PRLR: variants seen among roughly 807,000 people sequenced by gnomAD.
PRLR encodes the protein prolactin receptor, also known as hPRL receptor.
A neutral mutation model predicts 40.2 loss-of-function variants in PRLR; 13 were observed. The ratio of observed to expected loss-of-function variants is 0.32; its 90% confidence interval spans 0.21 to 0.51. PRLR has a LOEUF of 0.51. Among genes scored for constraint, PRLR ranks in the 20% least tolerant of loss-of-function variants. The pLI is 0.97. For missense variants in PRLR, 656 were observed against 747.3 expected (o/e 0.88, Z 1.42); for synonymous variants, 269 against 278.7 (o/e 0.97, Z 0.35).
At chr5:35,070,768 G>A (rs1379145162) in intron 6 of PRLR, among the ~76,000 whole-genome samples, 2 of 150,434 alleles carry the variant, frequency 1.3e-5, no homozygotes, top group Non-Finnish European at 3.0e-5. Flanking sequence ...GCTTGAACCT[G>A]GGAGGCGGAT....
At chr5:35,150,005 C>T (rs987751591) in intron 1 of PRLR, among the ~76,000 whole-genome samples, 2 of 152,126 alleles carry the variant, frequency 1.3e-5, no homozygotes, top group Non-Finnish European at 2.9e-5. Flanking sequence ...TGAGCCAGTG[C>T]GCCTGAGTAG....
At chr5:35,055,502 A>G (rs923450291), downstream of PRLR, among the ~76,000 whole-genome samples, 1 of 152,200 alleles carries the variant, frequency 6.6e-6, no homozygotes, top group Non-Finnish European at 1.5e-5. Context: ...AAAAAATGCC[A>G]TGGGTGAGTG....
At chr5:35,140,312 CT>C (rs1228697920) in intron 1 of PRLR, among the ~76,000 whole-genome samples, 1 of 152,094 alleles carries the variant, frequency 6.6e-6, no homozygotes, top group Non-Finnish European at 1.5e-5. Flanking sequence ...GCAGGCAATA[CT>C]TTTTCTAGTC....
intron 1 of PRLR, among the ~76,000 whole-genome samples, chr5:35,192,499 A>T (rs1775634221): frequency 6.6e-6 from 1 of 152,160 alleles, no homozygotes; most frequent in Non-Finnish European, 1.5e-5. Context: ...AAGCCTAAAA[A>T]GGGTTCTGGA....
intron 1 of PRLR, among the ~76,000 whole-genome samples, chr5:35,180,296 C>T (rs1775259407): frequency 6.6e-6 from 1 of 152,166 alleles, no homozygotes; most frequent in African/African-American, 2.4e-5. Flanking sequence ...TGGACCAATA[C>T]TGATCCGTGG....
intron 2 of PRLR, among the ~76,000 whole-genome samples, chr5:35,100,484 C>A (rs1436379188): frequency 2.6e-5 from 4 of 152,128 alleles, no homozygotes; most frequent in Non-Finnish European, 5.9e-5. Context: ...TTTTACTATA[C>A]CTTTCCTATG....
At position 35,072,565 on chromosome 5, in the gene PRLR, G is replaced by A. The variant is rs1050650012; in HGVS notation, c.543+10C>T. The A allele has an allele frequency of 6.2e-7, 1 of 1,612,360 alleles. No homozygotes were observed. On this transcript the variant is annotated intron_variant, in intron 6 of 9. Coordinates refer to ENST00000618457, the MANE Select transcript of PRLR (RefSeq NM_000949.7). ...CCATAGTTCCTTCAAAAAGCATATG[G>A]ATCACTCACCTCCCACTCAGCTGCT...
chr5:35,178,986 A>G (rs1775219533), intron 1 of PRLR, among the ~76,000 whole-genome samples: 1 of 152,152 alleles, frequency 6.6e-6, no homozygotes, highest in Admixed American at 6.5e-5. Flanking sequence ...AGACCTTTAG[A>G]GTGACTTTTT....
chr5:35,105,820 G>A lies in PRLR; in HGVS notation c.-44+12241C>T, dbSNP rs912588784. Among the ~76,000 whole-genome samples the A allele has an allele frequency of 3.3e-5, 5 of 152,336 alleles. No individual in the cohort carries two copies. In the South Asian group the frequency reaches 6.2e-4, roughly 19 times the overall value. The stretch of plus-strand genomic sequence containing the variant: ...ACACTCTGCAGGATATTATCCAGGA[G>A]TACTTCCCCAACCTAGCAAGGCAGG... On this transcript the variant is annotated intron_variant, in intron 2 of 9. Coordinates refer to ENST00000618457, the MANE Select transcript of PRLR (RefSeq NM_000949.7).
rs147265072 is a variant in PRLR, at chr5:35,065,411, T to A, written c.1547A>T (p.Asn516Ile). 1.7e-3 allele frequency: 2,764 copies of A among 1,614,044 alleles called. 2 individuals are homozygous for A. Among genetic ancestry groups the A allele is most frequent in the Non-Finnish European group, 2.1e-3 (2,502 of 1,180,026 alleles). ...TAGCAATGATAATGCACCATCTTTG[T>A]TGACCTTGTGAATCTCCACATAATC... The part of the protein sequence containing the change: ...PLDYVEIHKV[N>I]KDGALSLLPK... The change falls in exon 10 of 10, where the codon AAC becomes ATC. Residue 516 changes from asparagine (N) to isoleucine (I), a missense_variant. This residue lies in a region of PRLR where 469 missense variants were observed against 491.5 expected (regional missense o/e 0.95). Coordinates refer to ENST00000618457, the MANE Select transcript of PRLR (RefSeq NM_000949.7).
chr5:35,182,260 G>C (rs1024517594), intron 1 of PRLR, among the ~76,000 whole-genome samples: 1 of 152,190 alleles, frequency 6.6e-6, no homozygotes, highest in Non-Finnish European at 1.5e-5. Flanking sequence ...CCCAGAGTTA[G>C]GTGGCCAAAT....
At chr5:35,210,577 G>A (rs1776145248) in intron 1 of PRLR, among the ~76,000 whole-genome samples, 2 of 152,168 alleles carry the variant, frequency 1.3e-5, no homozygotes, top group Non-Finnish European at 1.5e-5. Flanking sequence ...TCTGGGCAGC[G>A]AAGCTCAGTC....
At chr5:35,108,270 C>A (rs1772407457) in intron 2 of PRLR, among the ~76,000 whole-genome samples, 1 of 152,106 alleles carries the variant, frequency 6.6e-6, no homozygotes, top group Non-Finnish European at 1.5e-5. Context: ...CAATATCATA[C>A]TGAATGGGCA....
At chr5:35,089,245 C>T (rs994040449) in intron 3 of PRLR, among the ~76,000 whole-genome samples, 5 of 152,160 alleles carry the variant, frequency 3.3e-5, no homozygotes, top group Non-Finnish European at 7.3e-5. Context: ...GTAATTGGCT[C>T]TAGGTCACAC....
chr5:35,099,564 A>G (rs1277660262), intron 2 of PRLR, among the ~76,000 whole-genome samples: 2 of 152,210 alleles, frequency 1.3e-5, no homozygotes, highest in Non-Finnish European at 2.9e-5. Flanking sequence ...ACTGTAAAAT[A>G]GCCTCAGGCA....
rs1352762686 is a variant in PRLR, at chr5:35,064,304, T to TA, written c.*784dup. 6 of 152,310 alleles carry TA rather than the reference T, an allele frequency of 3.9e-5. No individual in the cohort carries two copies. The highest frequency in any genetic ancestry group is 6.5e-5 in the Admixed American group (1 of 15,288). The allele number at this position is 152,310 out of a possible 1,614,324, so 9.4% of individuals were successfully genotyped here. On this transcript the variant is annotated 3_prime_UTR_variant, in exon 10 of 10. Transcript: ENST00000618457. Reference sequence around the variant, plus strand: ...AGTTAGTCTTTAGGGAATTTTTTTTTAACTAAGGAAAGACTAAGGTGTATA... The same window carrying TA: ...AGTTAGTCTTTAGGGAATTTTTTTTTAAACTAAGGAAAGACTAAGGTGTATA...
intron 1 of PRLR, among the ~76,000 whole-genome samples, chr5:35,185,882 G>C (rs1347431853): frequency 6.6e-6 from 1 of 152,166 alleles, no homozygotes. Context: ...AGACTATGGG[G>C]AGCAAGATAA....
At chr5:35,228,706 C>CT (rs1776615194) in intron 1 of PRLR, among the ~76,000 whole-genome samples, 1 of 152,088 alleles carries the variant, frequency 6.6e-6, no homozygotes. Context: ...GAGTCAGAGG[C>CT]TGGTAGAGCT....
chr5:35,114,912 G>A (rs1013018221), intron 2 of PRLR, among the ~76,000 whole-genome samples: 5 of 152,126 alleles, frequency 3.3e-5, no homozygotes, highest in Admixed American at 2.0e-4. Context: ...TTTGGAATTC[G>A]GTTCCTTCTA....
Sources: allele counts gnomAD v4.1 joint callset (sites outside exome capture counted in the v4.1 genomes callset), GRCh38; gene constraint gnomAD v4.1.1; regional missense constraint gnomAD v4.1.1; transcripts MANE v1.5; gene names NCBI Gene and HGNC (gene_info 2026-07-23, HGNC 2026-07-21).